LAD1: variants seen among roughly 807,000 people sequenced by gnomAD.
LAD1 encodes the protein ladinin-1.
In LAD1, 53 loss-of-function variants were observed where a neutral mutation model predicts 54.2. That is an observed-to-expected ratio of 0.98 (90% confidence interval 0.78 to 1.23). The LOEUF (loss-of-function observed/expected upper bound fraction) is 1.23. LAD1 is among the 50% of genes most tolerant of loss of function. The pLI is 0.00. For missense variants in LAD1, 637 were observed against 653.3 expected (o/e 0.98, Z 0.27); for synonymous variants, 231 against 257.7 (o/e 0.90, Z 0.99).
In LAD1 at chr1:201,386,669, G is replaced by C. The variant is rs779778568; in HGVS notation, c.692C>G (p.Ser231Cys). The C allele has an allele frequency of 9.3e-6, 15 of 1,614,176 alleles. No individual in the cohort carries two copies. The highest frequency in any genetic ancestry group is 3.3e-5 in the Admixed American group (2 of 60,014). ...SEKRNSSEKK[S>C]VLEKTSVSEK... ...AGAGACACTGGTTTTTTCTAGAACAGACTTCTTCTCTGAGCTGTTTCTTTT... is the reference window on the plus strand; with the variant it reads ...AGAGACACTGGTTTTTTCTAGAACACACTTCTTCTCTGAGCTGTTTCTTTT... Residue 231 changes from serine (S) to cysteine (C), a missense_variant, in exon 3 of 10, where the codon TCT becomes TGT. Transcript: ENST00000391967.
chr1:201,386,708 A>C lies in LAD1; in HGVS notation c.653T>G (p.Ile218Arg). The C allele has an allele frequency of 6.2e-7, 1 of 1,614,180 alleles. No individual in the cohort carries two copies. The highest frequency in any genetic ancestry group is 8.5e-7 in the Non-Finnish European group (1 of 1,180,038). ...ASEKTSLSEKIAVSEKRNSSE... is the reference protein window; with the variant it reads ...ASEKTSLSEKRAVSEKRNSSE... Reference sequence around the variant, plus strand: ...GCTGTTTCTTTTCTCTGACACTGCTATCTTCTCTGATAGAGATGTCTTCTC... The same window carrying C: ...GCTGTTTCTTTTCTCTGACACTGCTCTCTTCTCTGATAGAGATGTCTTCTC... The change falls in exon 3 of 10, where the codon ATA (isoleucine) becomes AGA (arginine). Residue 218 changes from isoleucine to arginine, a missense_variant. Ile to Arg is a moderately conservative substitution (Grantham distance 97, BLOSUM62 -3). Coordinates refer to ENST00000391967, the MANE Select transcript of LAD1 (RefSeq NM_005558.4).
Position 201,382,731 on chromosome 1 carries a change from C to G in LAD1, c.1395G>C (p.Leu465Phe). 6.2e-7 allele frequency: 1 copy of G among 1,601,312 alleles called. No individual in the cohort carries two copies. Among genetic ancestry groups the G allele is most frequent in the Non-Finnish European group, 8.5e-7 (1 of 1,173,812 alleles). ...AEPASSRKENLRLSGVVTSRL... is the reference protein window; with the variant it reads ...AEPASSRKENFRLSGVVTSRL... The stretch of plus-strand genomic sequence containing the variant: ...TTGATGTCACAACCCCTGAGAGCCT[C>G]AAGTTCTCCTAAAAAGAGAACTTTC... Residue 465 changes from leucine (L) to phenylalanine (F), a missense_variant, in exon 8 of 10, where the codon TTG becomes TTC. By Grantham distance (22) the Leu-to-Phe change is conservative. Coordinates refer to ENST00000391967, the MANE Select transcript of LAD1 (RefSeq NM_005558.4).
intron 1 of LAD1, among the ~76,000 whole-genome samples, chr1:201,397,071 T>C (rs2799679): frequency 0.99 from 150,488 of 152,282 alleles, 74,381 homozygotes; most frequent in Middle Eastern, 1. Context: ...AATCCCAGGG[T>C]TGGAAGACTT....
intron 1 of LAD1, among the ~76,000 whole-genome samples, chr1:201,393,836 A>G (rs1211628734): frequency 6.7e-6 from 1 of 149,592 alleles, no homozygotes; most frequent in Non-Finnish European, 1.5e-5. Context: ...ATTAATGTAC[A>G]GATCTTAAGT....
At chr1:201,390,674 G>T (rs150532683) in intron 1 of LAD1, among the ~76,000 whole-genome samples, 7 of 152,330 alleles carry the variant, frequency 4.6e-5, no homozygotes, top group African/African-American at 1.7e-4. Context: ...CGTGTCCAGG[G>T]CTGTCCTGGA....
intron 5 of LAD1, among the ~76,000 whole-genome samples, chr1:201,384,573 G>C (rs1348995808): frequency 2.0e-5 from 3 of 152,060 alleles, no homozygotes; most frequent in Admixed American, 6.6e-5. Context: ...CCTCTGAGCA[G>C]CTCTCCCTGA....
rs776829386 is a variant in LAD1, at chr1:201,385,755, C to T, written c.1077G>A (p.Gln359=). ...EEEADMSSPT[Q]RTYSSSLKRS... Reference sequence around the variant, plus strand: ...GTTTGAGGGAGCTGCTGTAGGTTCGCTGTGTGGGTGAGGACATATCTGCCT... The same window carrying T: ...GTTTGAGGGAGCTGCTGTAGGTTCGTTGTGTGGGTGAGGACATATCTGCCT... Residue 359 remains glutamine (Q), a synonymous_variant, in exon 4 of 10, where the codon CAG becomes CAA. Transcript: ENST00000391967. The T allele has an allele frequency of 3.7e-6, 6 of 1,614,036 alleles. No individual in the cohort carries two copies. Among genetic ancestry groups the T allele is most frequent in the Non-Finnish European group, 5.1e-6 (6 of 1,180,018 alleles).
In LAD1 at chr1:201,393,851, C is replaced by CTTTT. The variant is rs35169716; in HGVS notation, c.39-4552_39-4549dup. Among the ~76,000 whole-genome samples the CTTTT allele has an allele frequency of 1.8e-3, 199 of 112,242 alleles. 5 individuals are homozygous for CTTTT. Among genetic ancestry groups the CTTTT allele is most frequent in the Non-Finnish European group, 2.6e-3 (151 of 57,680 alleles). 73.6% of individuals were successfully genotyped at this position (112,242 alleles called of 152,430 possible). A position where few individuals can be genotyped will look rare whatever the true frequency, so the allele number is the denominator to read the frequency against. On this transcript the variant is annotated intron_variant, in intron 1 of 9. Transcript: ENST00000391967. ...ATTAATGTACAGATCTTAAGTTTTG[C>CTTTT]TTTTTTTTTTTTTTTTTTTGATGAG...
At position 201,393,010 on chromosome 1, in the gene LAD1, G is replaced by C. The variant is rs113415126; in HGVS notation, c.39-3707C>G. Among the ~76,000 whole-genome samples the C allele has an allele frequency of 4.4e-3, 669 of 152,272 alleles. 3 individuals carry two copies. Among genetic ancestry groups the C allele is most frequent in the Non-Finnish European group, 6.5e-3 (444 of 68,018 alleles). ...TTGGGTGGGAGGAGGGAGAGGAAAA[G>C]AGAAAAATCAAGAACTGCTAGATTT... On this transcript the variant is annotated intron_variant, in intron 1 of 9. Transcript: ENST00000391967.
chr1:201,398,108 C>T (rs1227100946), intron 1 of LAD1, among the ~76,000 whole-genome samples: 1 of 152,194 alleles, frequency 6.6e-6, no homozygotes, highest in Admixed American at 6.5e-5. Flanking sequence ...GGTGGCCCCC[C>T]AGTCCCAGGC....
intron 1 of LAD1, among the ~76,000 whole-genome samples, chr1:201,398,067 A>G (rs893309445): frequency 1.3e-5 from 2 of 152,168 alleles, no homozygotes; most frequent in Non-Finnish European, 2.9e-5. Context: ...ACAGTGCTTC[A>G]GAGCACTGTG....
At chr1:201,397,232 C>G (rs1662306947) in intron 1 of LAD1, 1 of 152,542 alleles carries the variant, frequency 6.6e-6, no homozygotes, top group Admixed American at 6.5e-5. Flanking sequence ...ACTCACAGCC[C>G]TTTCCTGCCT....
intron 4 of LAD1, among the ~76,000 whole-genome samples, chr1:201,385,447 G>C (rs576317315): frequency 6.6e-6 from 1 of 152,184 alleles, no homozygotes; most frequent in African/African-American, 2.4e-5. Flanking sequence ...CTGCCTGTCC[G>C]GTCTTCATGC....
At chr1:201,398,917 C>T (rs1662353599) in intron 1 of LAD1, among the ~76,000 whole-genome samples, 1 of 152,188 alleles carries the variant, frequency 6.6e-6, no homozygotes, top group Non-Finnish European at 1.5e-5. Flanking sequence ...AGGCTTCTCT[C>T]AGGAATGAGG....
chr1:201,390,603 G>A (rs1238521791), intron 1 of LAD1, among the ~76,000 whole-genome samples: 2 of 152,164 alleles, frequency 1.3e-5, no homozygotes, highest in Admixed American at 1.3e-4. Flanking sequence ...AAGCTGCAGG[G>A]CTTTGGATTA....
At position 201,383,170 on chromosome 1, in the gene LAD1, C is replaced by T. The variant is rs1238177583; in HGVS notation, c.1290G>A (p.Glu430=). ...CTACACCCACAGGAGCCACGAATAA[C>T]TCAGTGCAAGGCAGACCCCGAGACT... The part of the protein sequence containing the change: ...SVKSRGLPCT[E]LFVAPVGVAS... Residue 430 remains glutamate, a synonymous_variant, in exon 7 of 10, where the codon GAG becomes GAA. Coordinates refer to ENST00000391967, the MANE Select transcript of LAD1 (RefSeq NM_005558.4). The T allele has an allele frequency of 6.2e-7, 1 of 1,614,086 alleles. No homozygotes were observed. The highest frequency in any genetic ancestry group is 8.5e-7 in the Non-Finnish European group (1 of 1,179,988).
Position 201,386,346 on chromosome 1 carries a change from C to T in LAD1, c.1015G>A (p.Val339Ile), listed in dbSNP as rs370437688. Residue 339 changes from valine to isoleucine, a missense_variant, in exon 3 of 10, where the codon GTC (valine) becomes ATC (isoleucine). Transcript: ENST00000391967. ...PPTVASRLPP[V>I]TLQVKIPSKE... ...GGGACACTGCCAACCTGGAGTGTGA[C>T]GGGTGGGAGGCGGGAGGCCACAGTC... is the stretch of plus-strand genomic sequence containing the variant. 1.2e-4 allele frequency: 169 copies of T among 1,468,430 alleles called. No individual in the cohort carries two copies. In the East Asian group the frequency reaches 1.5e-3, roughly 13 times the overall value. 91.0% of individuals were successfully genotyped at this position (1,468,430 alleles called of 1,614,324 possible).
At position 201,392,364 on chromosome 1, in the gene LAD1, GGA is replaced by G; in HGVS notation, c.39-3063_39-3062del. Reference sequence around the variant, plus strand: ...TCACAGGGCACACATCCAGCATGGGGGAGTCAGACCATGAGCAAGGAAACAAG... The same window carrying G: ...TCACAGGGCACACATCCAGCATGGGGGTCAGACCATGAGCAAGGAAACAAG... On this transcript the variant is annotated intron_variant, in intron 1 of 9. Transcript: ENST00000391967. 2.0e-5 allele frequency among the ~76,000 whole-genome samples: 3 copies of G among 152,340 alleles called. No homozygotes were observed. In the South Asian group the frequency reaches 6.2e-4, roughly 32 times the overall value.
Position 201,387,158 on chromosome 1 carries a change from G to C in LAD1, c.203C>G (p.Ala68Gly). The C allele has an allele frequency of 6.6e-7, 1 of 1,521,868 alleles. No individual in the cohort carries two copies. The highest frequency in any genetic ancestry group is 2.2e-5 in the Admixed American group (1 of 45,326). 94.3% of individuals were successfully genotyped at this position (1,521,868 alleles called of 1,614,324 possible). Residue 68 changes from alanine (A) to glycine (G), a missense_variant, in exon 3 of 10, where the codon GCA becomes GGA. Coordinates refer to ENST00000391967, the MANE Select transcript of LAD1 (RefSeq NM_005558.4). ...TGGGGGCAGTGGCTTGGGCACCTCT[G>C]CTTCTTCCACGCTCGGTAGTCTGAA... ...ASERLPSVEEAEVPKPLPPAS... is the reference protein window; with the variant it reads ...ASERLPSVEEGEVPKPLPPAS...
Sources: gnomAD v4.1 joint callset for allele counts (sites outside exome capture counted in the v4.1 genomes callset) on GRCh38, gnomAD v4.1.1 for gene constraint, MANE v1.5 for transcripts, NCBI Gene and HGNC (gene_info 2026-07-23, HGNC 2026-07-21) for gene names.